UBE2L3: variants seen among roughly 807,000 people sequenced by gnomAD.
UBE2L3 encodes the protein ubiquitin-conjugating enzyme E2 L3.
Under a neutral mutation model 17.8 loss-of-function variants are expected in UBE2L3, and 1 was observed. The ratio of observed to expected loss-of-function variants is 0.06; its 90% CI spans 0.02 to 0.27. The LOEUF is 0.27. Ranked by LOEUF, UBE2L3 falls within the 10% of genes least tolerant of loss-of-function variation. UBE2L3 has a pLI of 1.00. For missense variants in UBE2L3, 40 were observed against 192.6 expected, an observed-to-expected ratio of 0.21 and a Z score of 4.69; for synonymous variants, 44 against 68.5, an observed-to-expected ratio of 0.64 and a Z score of 1.76.
At chr22:21,598,195 A>ATTGTGTGTGTGTGTGTGTGTGTGTG (rs1555885642) in intron 2 of UBE2L3, among the ~76,000 whole-genome samples, 2 of 148,394 alleles carry the variant, frequency 1.3e-5, no homozygotes, top group Non-Finnish European at 3.0e-5. Flanking sequence ...GGTTTCATTA[A>ATTGTGTGTGTGTGTGTGTGTGTGTG]TGTGTGTGTG....
At chr22:21,558,646 A>C (rs1375440228) in intron 1 of UBE2L3, among the ~76,000 whole-genome samples, 2 of 152,108 alleles carry the variant, frequency 1.3e-5, no homozygotes, top group East Asian at 3.9e-4. Context: ...AAAAAAAAAA[A>C]AAACACTTAA....
Position 21,557,635 on chromosome 22 carries a change from G to A in UBE2L3, c.201+7985G>A, listed in dbSNP as rs185569082. Reference sequence around the variant, plus strand: ...CCTCACGGGTTTATGCCATTCTCCTGCCTCAGCCTCCCGAGTAGCTGGGAA... The same window carrying A: ...CCTCACGGGTTTATGCCATTCTCCTACCTCAGCCTCCCGAGTAGCTGGGAA... On this transcript the variant is annotated intron_variant, in intron 1 of 3. Coordinates refer to the UBE2L3 transcript ENST00000458578. Among the ~76,000 whole-genome samples the A allele has an allele frequency of 7.8e-4, 118 of 152,234 alleles. 3 individuals carry two copies. Among genetic ancestry groups the A allele is most frequent in the African/African-American group, 2.7e-3 (114 of 41,510 alleles).
chr22:21,569,931 G>A (rs1030321243), intron 1 of UBE2L3, among the ~76,000 whole-genome samples: 6 of 152,194 alleles, frequency 3.9e-5, no homozygotes, highest in African/African-American at 1.4e-4. Flanking sequence ...GCTGTCTGAT[G>A]TCCCTTTGCA....
intron 1 of UBE2L3, among the ~76,000 whole-genome samples, chr22:21,583,677 G>T (rs769978282): frequency 3.9e-5 from 6 of 152,128 alleles, no homozygotes; most frequent in Non-Finnish European, 8.8e-5. Flanking sequence ...AGCCCTGTCT[G>T]CCCCACCCAT....
chr22:21,614,407 T>C, intron 3 of UBE2L3: 1 of 421,514 alleles, frequency 2.4e-6, no homozygotes, highest in Non-Finnish European at 4.4e-6. Flanking sequence ...CTGAGGAACA[T>C]GGTGAAACCC....
intron 1 of UBE2L3, among the ~76,000 whole-genome samples, chr22:21,592,604 C>T (rs943080786): frequency 6.6e-6 from 1 of 152,154 alleles, no homozygotes; most frequent in Non-Finnish European, 1.5e-5. Context: ...CATGGTTCCC[C>T]CTGTCCTATT....
chr22:21,575,871 C>T (rs948120224), intron 1 of UBE2L3, among the ~76,000 whole-genome samples: 1 of 151,606 alleles, frequency 6.6e-6, no homozygotes, highest in African/African-American at 2.4e-5. Context: ...CGAACTCCTG[C>T]CCTCAGGCGA....
chr22:21,596,275 A>T (rs1189847327), intron 2 of UBE2L3, among the ~76,000 whole-genome samples: 6 of 151,968 alleles, frequency 3.9e-5, no homozygotes, highest in Admixed American at 2.0e-4. Context: ...ATCATGGCCC[A>T]TTGCAGCCTT....
rs1930048966 is a variant in UBE2L3, at chr22:21,621,833, G to A, written c.*164G>A. On this transcript the variant is annotated 3_prime_UTR_variant, in exon 4 of 4. Transcript: ENST00000342192. The stretch of plus-strand genomic sequence containing the variant: ...AGTTTTCTTAATCAAAAGTGGTCTA[G>A]GTAACCTGTAAAGAAAGGATTAAAA... 3.4e-6 allele frequency: 2 copies of A among 581,890 alleles called. No homozygotes were observed. Among genetic ancestry groups the A allele is most frequent in the African/African-American group, 3.8e-5 (2 of 52,710 alleles). 36.0% of individuals were successfully genotyped at this position (581,890 alleles called of 1,614,324 possible).
chr22:21,590,703 C>A (rs1375522975), intron 1 of UBE2L3, among the ~76,000 whole-genome samples: 1 of 152,166 alleles, frequency 6.6e-6, no homozygotes, highest in Non-Finnish European at 1.5e-5. Flanking sequence ...TGCTAGGACT[C>A]CAGCCTTAAG....
chr22:21,562,512 C>G (rs1403850003), intron 1 of UBE2L3, among the ~76,000 whole-genome samples: 1 of 151,848 alleles, frequency 6.6e-6, no homozygotes, highest in Non-Finnish European at 1.5e-5. Flanking sequence ...GCTGGGACCA[C>G]AAGCACCCGC....
At chr22:21,597,719 T>A (rs1019417765) in intron 2 of UBE2L3, among the ~76,000 whole-genome samples, 31 of 151,714 alleles carry the variant, frequency 2.0e-4, no homozygotes, top group Non-Finnish European at 4.0e-4. Flanking sequence ...AGTTTTCTTC[T>A]AAGAGTTTTA....
At chr22:21,602,747 C>G (rs1164796236) in intron 2 of UBE2L3, among the ~76,000 whole-genome samples, 1 of 152,204 alleles carries the variant, frequency 6.6e-6, no homozygotes, top group African/African-American at 2.4e-5. Flanking sequence ...ACCCTACTTG[C>G]AGCCTGAAAA....
chr22:21,570,175 G>A (rs981096809), intron 1 of UBE2L3, among the ~76,000 whole-genome samples: 6 of 152,162 alleles, frequency 3.9e-5, no homozygotes, highest in African/African-American at 9.7e-5. Flanking sequence ...TGGGTTCTGA[G>A]ATCCCGAAGG....
At chr22:21,587,716 T>C (rs1473226036) in intron 1 of UBE2L3, among the ~76,000 whole-genome samples, 1 of 152,224 alleles carries the variant, frequency 6.6e-6, no homozygotes, top group African/African-American at 2.4e-5. Flanking sequence ...CTTGAGTCCG[T>C]GGCCTTCTGC....
intron 2 of UBE2L3, among the ~76,000 whole-genome samples, chr22:21,608,074 T>C (rs944647097): frequency 3.9e-5 from 6 of 152,134 alleles, no homozygotes; most frequent in Non-Finnish European, 8.8e-5. Flanking sequence ...AACTCTATAA[T>C]AAGAAAACAA....
At chr22:21,594,307 G>T (rs1377237112) in intron 2 of UBE2L3, among the ~76,000 whole-genome samples, 2 of 151,854 alleles carry the variant, frequency 1.3e-5, no homozygotes, top group Non-Finnish European at 2.9e-5. Flanking sequence ...AAGGTCATGA[G>T]CATGGAGCAT....
intron 2 of UBE2L3, among the ~76,000 whole-genome samples, chr22:21,595,889 A>G (rs1261042452): frequency 6.6e-6 from 1 of 151,162 alleles, no homozygotes. Context: ...TTTTCTTTTT[A>G]ATTGAGTTGG....
chr22:21,574,600 A>G (rs1251384170), intron 1 of UBE2L3, among the ~76,000 whole-genome samples: 1 of 152,096 alleles, frequency 6.6e-6, no homozygotes, highest in African/African-American at 2.4e-5. Flanking sequence ...CCATTCTCTT[A>G]CCTGTGGTAC....
Sources: gnomAD v4.1 joint callset for allele counts (sites outside exome capture counted in the v4.1 genomes callset) on GRCh38, gnomAD v4.1.1 for gene constraint, MANE v1.5 for transcripts, NCBI Gene and HGNC (gene_info 2026-07-23, HGNC 2026-07-21) for gene names.